The following GPC6 variants were observed in gnomAD, a reference collection of about 807,000 sequenced individuals.
GPC6 encodes glypican 6.
GPC6 carries 14 observed loss-of-function variants against 55.2 expected under a neutral mutation model. That is an observed-to-expected ratio of 0.25 (90% CI 0.17 to 0.40). GPC6 has a LOEUF of 0.40. GPC6 is among the 10% of genes least tolerant of loss of function. GPC6 has a pLI of 1.00. For missense variants in GPC6, 641 were observed against 708.5 expected (o/e 0.90, Z 1.08); for synonymous variants, 278 against 259.6 (o/e 1.07, Z -0.68).
At chr13:94,028,528 T>C (rs959788313) in intron 4 of GPC6, among the ~76,000 whole-genome samples, 2 of 151,478 alleles carry the variant, frequency 1.3e-5, no homozygotes, top group Admixed American at 6.6e-5. Flanking sequence ...AAAAGTCCAC[T>C]GTACTATTTC....
intron 6 of GPC6, among the ~76,000 whole-genome samples, chr13:94,330,564 T>A (rs904782181): frequency 6.6e-6 from 1 of 152,152 alleles, no homozygotes; most frequent in Non-Finnish European, 1.5e-5. Flanking sequence ...ACTGGCAGCA[T>A]CAGTATCACC....
intron 2 of GPC6, among the ~76,000 whole-genome samples, chr13:93,777,944 T>C (rs1331780120): frequency 6.6e-6 from 1 of 152,190 alleles, no homozygotes; most frequent in East Asian, 1.9e-4. Context: ...CACCGGACCT[T>C]CATTTATAAC....
chr13:93,368,011 T>A (rs1881308611), intron 1 of GPC6, among the ~76,000 whole-genome samples: 1 of 152,152 alleles, frequency 6.6e-6, no homozygotes, highest in Non-Finnish European at 1.5e-5. Flanking sequence ...TTCTATCACT[T>A]GTGAAAAGAT....
At chr13:93,524,921 C>T (rs1008341063) in intron 1 of GPC6, among the ~76,000 whole-genome samples, 4 of 152,022 alleles carry the variant, frequency 2.6e-5, no homozygotes, top group Non-Finnish European at 2.9e-5. Flanking sequence ...GATAATTCTG[C>T]GGGAGATCTT....
intron 1 of GPC6, among the ~76,000 whole-genome samples, chr13:93,398,608 G>C (rs1017246362): frequency 5.9e-5 from 9 of 152,088 alleles, no homozygotes; most frequent in African/African-American, 2.2e-4. Flanking sequence ...TTAGGGTATG[G>C]CATGTGTGGA....
At chr13:94,048,471 T>G (rs975298881) in intron 4 of GPC6, among the ~76,000 whole-genome samples, 1 of 151,868 alleles carries the variant, frequency 6.6e-6, no homozygotes, top group African/African-American at 2.4e-5. Context: ...GAGAAATAGT[T>G]GAGGATGAGC....
At chr13:94,352,707 C>T (rs1201157614) in intron 6 of GPC6, among the ~76,000 whole-genome samples, 2 of 152,186 alleles carry the variant, frequency 1.3e-5, no homozygotes, top group Admixed American at 1.3e-4. Context: ...CTGCTGTCAC[C>T]TGTATATCAA....
At chr13:94,025,725 A>G (rs1882871458) in intron 3 of GPC6, 1 of 152,320 alleles carries the variant, frequency 6.6e-6, no homozygotes, top group African/African-American at 2.4e-5. Context: ...TGTTGTTGGA[A>G]AATGAGTTTT....
chr13:94,102,836 A>C (rs182096838), intron 4 of GPC6, among the ~76,000 whole-genome samples: 4 of 152,296 alleles, frequency 2.6e-5, no homozygotes, highest in Non-Finnish European at 5.9e-5. Context: ...CAGGCTTTGT[A>C]ATCTCATACA....
intron 4 of GPC6, among the ~76,000 whole-genome samples, chr13:94,091,271 G>T (rs1311446131): frequency 6.6e-6 from 1 of 152,078 alleles, no homozygotes; most frequent in Admixed American, 6.6e-5. Context: ...CACTCCAGGG[G>T]CCCTTGGATT....
At chr13:93,952,383 T>A (rs1038751741) in intron 3 of GPC6, among the ~76,000 whole-genome samples, 9 of 152,070 alleles carry the variant, frequency 5.9e-5, no homozygotes, top group Non-Finnish European at 1.0e-4. Flanking sequence ...TAAATTAAAA[T>A]CCTGAGTTGA....
chr13:93,492,808 A>T (rs1438054668), intron 1 of GPC6, among the ~76,000 whole-genome samples: 1 of 150,638 alleles, frequency 6.6e-6, no homozygotes, highest in Non-Finnish European at 1.5e-5. Context: ...GGCTCTGTTT[A>T]TATGCTGGAT....
At chr13:94,050,278 CT>C (rs1175654615) in intron 4 of GPC6, among the ~76,000 whole-genome samples, 1 of 152,132 alleles carries the variant, frequency 6.6e-6, no homozygotes, top group Non-Finnish European at 1.5e-5. Flanking sequence ...TAACAGAGTG[CT>C]GTTAACTTCT....
chr13:94,254,709 A>C (rs1891453230), intron 4 of GPC6, among the ~76,000 whole-genome samples: 2 of 152,180 alleles, frequency 1.3e-5, no homozygotes, highest in Admixed American at 1.3e-4. Context: ...ATCTTTCAAA[A>C]AAATCTCTTT....
intron 2 of GPC6, among the ~76,000 whole-genome samples, chr13:93,790,429 A>G (rs191253284): frequency 1.3e-5 from 2 of 152,322 alleles, no homozygotes; most frequent in African/African-American, 4.8e-5. Context: ...CCAATTTCCA[A>G]TTCCAGTGAA....
chr13:93,902,399 G>A (rs1876409570), intron 3 of GPC6, among the ~76,000 whole-genome samples: 1 of 151,994 alleles, frequency 6.6e-6, no homozygotes, highest in Non-Finnish European at 1.5e-5. Context: ...CATTTTTAAT[G>A]GCTGAATGGT....
At chr13:93,993,877 A>G (rs114473866) in intron 3 of GPC6, among the ~76,000 whole-genome samples, 57 of 152,338 alleles carry the variant, frequency 3.7e-4, no homozygotes, top group African/African-American at 1.3e-3. Context: ...CATTGTACAA[A>G]AAAGTACAGG....
At chr13:93,985,715 T>TAAAAAAAAAAAAAAAAAAAAA (rs1157375754) in intron 3 of GPC6, among the ~76,000 whole-genome samples, 1 of 126,238 alleles carries the variant, frequency 7.9e-6, no homozygotes. Flanking sequence ...AAAAAAAAAT[T>TAAAAAAAAAAAAAAAAAAAAA]AAAAAACGGA....
chr13:94,248,688 A>G (rs1891268172), intron 4 of GPC6, among the ~76,000 whole-genome samples: 1 of 151,844 alleles, frequency 6.6e-6, no homozygotes, highest in African/African-American at 2.4e-5. Context: ...AGAGAGAGAG[A>G]GAGAGAGAGG....
Sources: allele counts gnomAD v4.1 joint callset (sites outside exome capture counted in the v4.1 genomes callset), GRCh38; gene constraint gnomAD v4.1.1; transcripts MANE v1.5; gene names NCBI Gene and HGNC (gene_info 2026-07-23, HGNC 2026-07-21).